Variants in PTPN9 observed in about 807,000 individuals in gnomAD.
PTPN9 encodes the protein protein tyrosine phosphatase non-receptor type 9, also known as tyrosine-protein phosphatase non-receptor type 9.
PTPN9 carries 26 observed loss-of-function variants against 69.8 expected under a neutral mutation model. The ratio of observed to expected loss-of-function variants is 0.37; its 90% CI spans 0.27 to 0.52. The LOEUF (loss-of-function observed/expected upper bound fraction) is 0.52. PTPN9 is among the 20% of genes least tolerant of loss of function. The pLI is 0.91. For synonymous variants in PTPN9, 274 were observed against 272.5 expected (o/e 1.01, Z -0.05); for missense variants, 549 against 740.3 (o/e 0.74, Z 3.00).
At chr15:75,497,595 G>A (rs2074749811) in intron 7 of PTPN9, among the ~76,000 whole-genome samples, 1 of 152,050 alleles carries the variant, frequency 6.6e-6, no homozygotes, top group Admixed American at 6.6e-5. Flanking sequence ...GACGTGAGGA[G>A]CTCGAGACCA....
chr15:75,472,855 G>A (rs1369290520), intron 10 of PTPN9, among the ~76,000 whole-genome samples: 2 of 151,928 alleles, frequency 1.3e-5, no homozygotes, highest in Non-Finnish European at 2.9e-5. Context: ...GGCTGAGGCA[G>A]GAGAATTGCT....
intron 1 of PTPN9, among the ~76,000 whole-genome samples, chr15:75,555,439 C>T (rs1342979567): frequency 2.0e-5 from 3 of 152,022 alleles, no homozygotes; most frequent in Non-Finnish European, 4.4e-5. Context: ...GTTTCTGATT[C>T]AGCAGGCCTA....
rs757356597 is a variant in PTPN9 at position 75,490,254 on chromosome 15, A to G, written c.1016T>C (p.Leu339Pro). ...TGTTAGCTTCACTCTAGTTTGGTCC[A>G]GGCAGGGTACATCCCCATAACGGTT... ...EKNRYGDVPC[L>P]DQTRVKLTKR... The change falls in exon 8 of 13, where the codon CTG becomes CCG. Residue 339 changes from leucine to proline, a missense_variant. Coordinates refer to ENST00000618819, the MANE Select transcript of PTPN9 (RefSeq NM_002833.4). 1 of 1,613,896 alleles carries G rather than the reference A, an allele frequency of 6.2e-7. No homozygotes were observed.
intron 4 of PTPN9, among the ~76,000 whole-genome samples, chr15:75,517,566 C>T (rs2074876997): frequency 6.6e-6 from 1 of 152,116 alleles, no homozygotes; most frequent in Admixed American, 6.6e-5. Flanking sequence ...TCCAGATGTA[C>T]CAAATGCCAA....
intron 1 of PTPN9, among the ~76,000 whole-genome samples, chr15:75,532,426 AT>A (rs1323343902): frequency 6.6e-6 from 1 of 152,008 alleles, no homozygotes; most frequent in Non-Finnish European, 1.5e-5. Flanking sequence ...ATAACTTTTC[AT>A]TTTTCATAAA....
At chr15:75,482,787 T>TA (rs36049658) in intron 8 of PTPN9, among the ~76,000 whole-genome samples, 5,908 of 145,040 alleles carry the variant, frequency 0.041, 174 homozygotes, top group Non-Finnish European at 0.063. Flanking sequence ...AAAAATAAAT[T>TA]AAAAAAAAAT....
intron 6 of PTPN9, among the ~76,000 whole-genome samples, chr15:75,507,999 G>A (rs528480316): frequency 2.4e-4 from 31 of 131,522 alleles, no homozygotes; most frequent in African/African-American, 8.6e-4. Context: ...CCAAGATCGT[G>A]CCACTGCACT....
At chr15:75,560,274 C>G (rs2075098811) in intron 1 of PTPN9, among the ~76,000 whole-genome samples, 1 of 152,120 alleles carries the variant, frequency 6.6e-6, no homozygotes, top group Non-Finnish European at 1.5e-5. Context: ...AGAAATTAAT[C>G]TAGAAAGGTT....
intron 1 of PTPN9, among the ~76,000 whole-genome samples, chr15:75,564,496 T>G (rs2075118386): frequency 6.6e-6 from 1 of 150,486 alleles, no homozygotes; most frequent in Non-Finnish European, 1.5e-5. Flanking sequence ...CTCGGGAGGC[T>G]GAGGCAGGAG....
At position 75,567,207 on chromosome 15, in the gene PTPN9, G is replaced by A. The variant is rs544903171; in HGVS notation, c.63+11507C>T. On this transcript the variant is annotated intron_variant, in intron 1 of 12. Coordinates refer to ENST00000618819, the MANE Select transcript of PTPN9 (RefSeq NM_002833.4). ...ATTTCTTTGTATTTTTAGTAGAGAC[G>A]GGGTTTTGCCATGTTGGCCAGGCTG... Among the ~76,000 whole-genome samples, 86 of 151,980 alleles carry A rather than the reference G, an allele frequency of 5.7e-4. 3 individuals carry two copies. The highest frequency in any genetic ancestry group is 1.3e-3 in the South Asian group (6 of 4,800).
intron 8 of PTPN9, chr15:75,480,659 A>C (rs1213711516): frequency 8.0e-7 from 1 of 1,243,572 alleles, no homozygotes; most frequent in Admixed American, 4.1e-5. Context: ...CCAGCTGCAG[A>C]TATGAAGCGG....
chr15:75,518,093 C>T (rs552058246), intron 4 of PTPN9, among the ~76,000 whole-genome samples: 1 of 152,262 alleles, frequency 6.6e-6, no homozygotes, highest in East Asian at 1.9e-4. Flanking sequence ...TAGATTAAGG[C>T]TGACATAGTG....
At chr15:75,488,946 C>T (rs1281654447) in intron 8 of PTPN9, among the ~76,000 whole-genome samples, 1 of 151,996 alleles carries the variant, frequency 6.6e-6, no homozygotes, top group African/African-American at 2.4e-5. Flanking sequence ...GAGGCCGAGA[C>T]GGGCGGATCA....
At chr15:75,510,491 C>T (rs1468616314) in intron 5 of PTPN9, among the ~76,000 whole-genome samples, 1 of 152,214 alleles carries the variant, frequency 6.6e-6, no homozygotes, top group Non-Finnish European at 1.5e-5. Context: ...CCTACCTTGG[C>T]ATCCCAGAGT....
chr15:75,508,244 G>A (rs967028842), intron 6 of PTPN9, among the ~76,000 whole-genome samples: 1 of 151,944 alleles, frequency 6.6e-6, no homozygotes, highest in Non-Finnish European at 1.5e-5. Context: ...TTATTGTGGC[G>A]GCGGGGTCTC....
In PTPN9 at chr15:75,473,705, T is replaced by C. The variant is rs2074580726; in HGVS notation, c.1192A>G (p.Ile398Val). ...LMVWEQKVLV[I>V]VMTTRFEEGG... ...TTAACTCACCGGGTGGTCATGACAA[T>C]CACCAAGACTTTTTGCTCCCATACC... Residue 398 changes from isoleucine (I) to valine (V), a missense_variant, in exon 10 of 13, where the codon ATT becomes GTT. Ile to Val is a conservative substitution (Grantham distance 29). Transcript: ENST00000618819. 1 of 1,577,150 alleles carries C rather than the reference T, an allele frequency of 6.3e-7. No homozygotes were observed. The highest frequency in any genetic ancestry group is 8.7e-7 in the Non-Finnish European group (1 of 1,146,458).
chr15:75,501,625 C>T (rs1005581168), intron 7 of PTPN9, among the ~76,000 whole-genome samples: 6 of 151,720 alleles, frequency 4.0e-5, no homozygotes, highest in South Asian at 2.1e-4. Flanking sequence ...CTAATTTTTT[C>T]GTTTTTTATT....
Position 75,463,321 on chromosome 15 carries a change from A to C in PTPN9, c.*5448T>G, listed in dbSNP as rs1466241634. 1 of 152,220 alleles carries C rather than the reference A, an allele frequency of 6.6e-6. No homozygotes were observed. Among genetic ancestry groups the C allele is most frequent in the Non-Finnish European group, 1.5e-5 (1 of 68,050 alleles). 9.4% of individuals were successfully genotyped at this position (152,220 alleles called of 1,614,324 possible). On this transcript the variant is annotated 3_prime_UTR_variant, in exon 13 of 13. Coordinates refer to ENST00000618819, the MANE Select transcript of PTPN9 (RefSeq NM_002833.4). ...AAGAAAATTCATTAAAAGTCAAGAA[A>C]GAGCCCCCAGATGAAATGGCTGACC...
At chr15:75,528,694 C>G (rs538250344) in intron 1 of PTPN9, among the ~76,000 whole-genome samples, 4 of 136,582 alleles carry the variant, frequency 2.9e-5, no homozygotes, top group Non-Finnish European at 6.3e-5. Flanking sequence ...GCCCTCAGCA[C>G]ATTTTTTTTT....
Sources: gnomAD v4.1 joint callset for allele counts (sites outside exome capture counted in the v4.1 genomes callset) on GRCh38, gnomAD v4.1.1 for gene constraint, MANE v1.5 for transcripts, NCBI Gene and HGNC (gene_info 2026-07-23, HGNC 2026-07-21) for gene names.